DBF4B: variants seen among roughly 807,000 people sequenced by gnomAD.
DBF4B encodes DBF4B-CDC7 kinase regulatory subunit.
DBF4B carries 49 observed loss-of-function variants against 53.4 expected under a neutral mutation model. The ratio of observed to expected loss-of-function variants is 0.92; its 90% CI spans 0.73 to 1.16. DBF4B has a LOEUF of 1.16. Ranked by LOEUF, DBF4B falls within the 50% of genes most tolerant of loss-of-function variation. The probability of loss-of-function intolerance (pLI) is 0.00; values close to 1 mark genes in which losing one functional copy is unlikely to be tolerated. For missense variants in DBF4B, 692 were observed against 775.0 expected (o/e 0.89, Z 1.27); for synonymous variants, 257 against 288.7 (o/e 0.89, Z 1.11).
chr17:44,708,763 A>G lies in DBF4B; in HGVS notation c.-58A>G. 1 of 1,542,576 alleles carries G rather than the reference A, an allele frequency of 6.5e-7. No individual in the cohort carries two copies. Among genetic ancestry groups the G allele is most frequent in the Admixed American group, 2.0e-5 (1 of 50,030 alleles). Reference sequence around the variant, plus strand: ...CGGGAAGAGCTCATGGAGCTCGCGAATGTAATACGGAGGCCTCTGAGGAAG... The same window carrying G: ...CGGGAAGAGCTCATGGAGCTCGCGAGTGTAATACGGAGGCCTCTGAGGAAG... On this transcript the variant is annotated 5_prime_UTR_variant, in exon 1 of 14. The change abolishes an upstream ATG in the 5' untranslated region. Transcript: ENST00000315005.
At chr17:44,708,956 G>A in intron 1 of DBF4B, 117 bp downstream of exon 1, 2 of 1,409,202 alleles carry the variant, frequency 1.4e-6, no homozygotes, top group African/African-American at 2.9e-5. Context: ...CCGAAGCTGA[G>A]GAGGGTATAG....
chr17:44,732,285 C>T lies in DBF4B; in HGVS notation c.556+20C>T. The T allele has an allele frequency of 6.2e-7, 1 of 1,612,610 alleles. No homozygotes were observed. The highest frequency in any genetic ancestry group is 1.1e-5 in the South Asian group (1 of 90,940). On this transcript the variant is annotated intron_variant, in intron 6 of 13. Transcript: ENST00000315005. ...TGGATGGTACCCTTTCTGTGCTGGG[C>T]TCCTGTGGAGGGAGAATTGGTGACT... is the stretch of plus-strand genomic sequence containing the variant.
At position 44,748,600 on chromosome 17, in the gene DBF4B, G is replaced by A. The variant is rs1300168708; in HGVS notation, c.1189+135G>A. 2.0e-6 allele frequency: 3 copies of A among 1,531,082 alleles called. No individual in the cohort carries two copies. In the Admixed American group the frequency reaches 5.9e-5, roughly 30 times the overall value. The allele number at this position is 1,531,082 out of a possible 1,614,324, so 94.8% of individuals were successfully genotyped here. On this transcript the variant is annotated intron_variant, in intron 13 of 13. Transcript: ENST00000315005. ...AGTTGATGTGTTTGTGGACCCCCCA[G>A]GGATACCAGTGTCCAGGAGCCCTGC...
chr17:44,741,970 G>A (rs1340876788), intron 10 of DBF4B, among the ~76,000 whole-genome samples: 1 of 152,056 alleles, frequency 6.6e-6, no homozygotes. Flanking sequence ...GTTCTAGCTG[G>A]GCACAGTGGC....
At chr17:44,729,565 G>A (rs928638116) in intron 3 of DBF4B, among the ~76,000 whole-genome samples, 58 of 151,948 alleles carry the variant, frequency 3.8e-4, no homozygotes, top group Admixed American at 1.3e-4. Context: ...ATCCTTTCCA[G>A]CTCTTTCAGT....
At chr17:44,729,794 G>A in intron 3 of DBF4B, 111 bp from the exon 4 acceptor site, 2 of 1,149,136 alleles carry the variant, frequency 1.7e-6, no homozygotes, top group East Asian at 2.4e-5. Context: ...TCTATTTAAA[G>A]ACATTGATTC....
chr17:44,709,243 G>C, intron 1 of DBF4B, 61 bp from the exon 2 acceptor site: 2 of 1,604,488 alleles, frequency 1.2e-6, no homozygotes, highest in Non-Finnish European at 1.7e-6. Flanking sequence ...TAGTGGGCGG[G>C]AGGCATGGAA....
chr17:44,732,008 C>T (rs1031943300), intron 5 of DBF4B, 170 bp from the exon 6 acceptor site: 1 of 602,320 alleles, frequency 1.7e-6, no homozygotes, highest in African/African-American at 1.9e-5. Context: ...AGGATGTCTT[C>T]CTGGGGGTTG....
At chr17:44,747,293 G>T (rs554905078) in intron 11 of DBF4B, 98 bp from the exon 12 acceptor site, 401 of 1,594,442 alleles carry the variant, frequency 2.5e-4, no homozygotes, top group Non-Finnish European at 3.1e-4. Context: ...TGCTATGGCT[G>T]TCCTCCAGGG....
chr17:44,748,298 G>T (rs756060293), intron 12 of DBF4B, 43 bp from the exon 13 acceptor site: 1 of 1,552,922 alleles, frequency 6.4e-7, no homozygotes, highest in Non-Finnish European at 8.7e-7. Context: ...CAGGCCTGCT[G>T]TGAAGTTGAA....
At chr17:44,711,007 A>G (rs1239413889) in intron 2 of DBF4B, among the ~76,000 whole-genome samples, 1 of 96,946 alleles carries the variant, frequency 1.0e-5, no homozygotes, top group South Asian at 3.4e-4. Context: ...TTTTTTTGAG[A>G]CAGAGTCTCG....
At chr17:44,724,117 G>C (rs1187962449) in intron 3 of DBF4B, among the ~76,000 whole-genome samples, 1 of 152,074 alleles carries the variant, frequency 6.6e-6, no homozygotes, top group Non-Finnish European at 1.5e-5. Flanking sequence ...TCAAAAAAAG[G>C]CTGGGTGCGG....
chr17:44,749,432 G>C lies in DBF4B; in HGVS notation c.1189+967G>C. 7.8e-7 allele frequency: 1 copy of C among 1,289,422 alleles called. No homozygotes were observed. The highest frequency in any genetic ancestry group is 1.0e-6 in the Non-Finnish European group (1 of 988,866). 79.9% of individuals were successfully genotyped at this position (1,289,422 alleles called of 1,614,324 possible). The stretch of plus-strand genomic sequence containing the variant: ...GGCCAGGGCTGACCAGGACGCAGGA[G>C]GGGCAGAACCCCAGGACTTCCCCAA... On this transcript the variant is annotated intron_variant, in intron 13 of 13. Coordinates refer to ENST00000315005, the MANE Select transcript of DBF4B (RefSeq NM_145663.3). The surrounding 1 kb of genome is among the most constrained non-coding windows in gnomAD (Gnocchi z 4.4).
At chr17:44,725,908 G>A (rs896504955) in intron 3 of DBF4B, among the ~76,000 whole-genome samples, 2 of 151,520 alleles carry the variant, frequency 1.3e-5, no homozygotes, top group Non-Finnish European at 2.9e-5. Flanking sequence ...GACTGGTCAC[G>A]ACCTCCTGGA....
intron 10 of DBF4B, among the ~76,000 whole-genome samples, chr17:44,741,674 G>A (rs889623921): frequency 2.6e-5 from 4 of 152,190 alleles, no homozygotes; most frequent in Non-Finnish European, 5.9e-5. Context: ...AAAGGGAGGT[G>A]CCAGGGTTGT....
At chr17:44,734,239 G>T (rs1027130480) in intron 7 of DBF4B, 76 bp downstream of exon 7, 10 of 1,576,082 alleles carry the variant, frequency 6.3e-6, no homozygotes, top group African/African-American at 1.3e-5. Flanking sequence ...TAAATCCATG[G>T]CCCACCCAAA....
intron 10 of DBF4B, among the ~76,000 whole-genome samples, chr17:44,744,678 TTA>T: frequency 6.6e-6 from 1 of 152,326 alleles, no homozygotes. Context: ...GGATACCAAC[TTA>T]TATGTTTACC....
chr17:44,709,261 G>A lies in DBF4B; in HGVS notation c.20-43G>A, dbSNP rs1198860850. On this transcript the variant is annotated intron_variant, in intron 1 of 13. Coordinates refer to ENST00000315005, the MANE Select transcript of DBF4B (RefSeq NM_145663.3). Reference sequence around the variant, plus strand: ...TGGGCGGGAGGCATGGAAGTTCCAAGGGTTGGTGAAGATGGTTGAGTTGCT... The same window carrying A: ...TGGGCGGGAGGCATGGAAGTTCCAAAGGTTGGTGAAGATGGTTGAGTTGCT... 2.5e-6 allele frequency: 4 copies of A among 1,613,396 alleles called. No homozygotes were observed. The Admixed American group carries it at 5.0e-5, about 20-fold the overall frequency.
Position 44,751,272 on chromosome 17 carries a change from T to C in DBF4B, c.*19T>C. ...AGGTTAGAGGTGAACCCAGAACACC[T>C]GAGACTTGACCCAGGATGGATGGGT... On this transcript the variant is annotated 3_prime_UTR_variant, in exon 14 of 14. Transcript: ENST00000315005. 1 of 1,602,746 alleles carries C rather than the reference T, an allele frequency of 6.2e-7. No homozygotes were observed. The highest frequency in any genetic ancestry group is 8.5e-7 in the Non-Finnish European group (1 of 1,173,964).
Sources: allele counts gnomAD v4.1 joint callset (sites outside exome capture counted in the v4.1 genomes callset), GRCh38; gene constraint gnomAD v4.1.1; non-coding constraint Gnocchi (gnomAD v3.1); transcripts MANE v1.5; gene names NCBI Gene and HGNC (gene_info 2026-07-23, HGNC 2026-07-21).